Variants in INKA2 observed in about 807,000 individuals in gnomAD.
The protein encoded by INKA2 is inka box actin regulator 2, also known as PAK4-inhibitor INKA2.
Under a neutral mutation model 9.8 loss-of-function variants are expected in INKA2, and 3 were observed. That is an observed-to-expected ratio of 0.31 (90% confidence interval 0.14 to 0.79). INKA2 has a LOEUF of 0.79. Among genes scored for constraint, INKA2 ranks in the 30% least tolerant of loss-of-function variants. The pLI is 0.62. For missense variants in INKA2, 392 were observed against 384.4 expected, an observed-to-expected ratio of 1.02 and a Z score of -0.17; for synonymous variants, 147 against 143.3, an observed-to-expected ratio of 1.03 and a Z score of -0.18.
chr1:111,755,562 C>G, intron 1 of INKA2: 1 of 916,722 alleles, frequency 1.1e-6, no homozygotes, highest in Non-Finnish European at 1.6e-6. Context: ...ACGCACCGGG[C>G]GCATCACAAA....
chr1:111,745,291 ATATTTTTTTT>A (rs1195368436), intron 1 of INKA2: 2 of 49,352 alleles, frequency 4.1e-5, no homozygotes, highest in Non-Finnish European at 3.6e-5. Flanking sequence ...ATATATATAT[ATATTTTTTTT>A]TTTTTTTTTT....
intron 1 of INKA2, among the ~76,000 whole-genome samples, chr1:111,752,262 G>A (rs193194757): frequency 1.3e-5 from 2 of 152,304 alleles, no homozygotes; most frequent in East Asian, 1.9e-4. Flanking sequence ...GGGGAGGTAA[G>A]CTCCTATTTT....
At chr1:111,728,173 G>A (rs1232067996) in intron 1 of INKA2, among the ~76,000 whole-genome samples, 1 of 151,956 alleles carries the variant, frequency 6.6e-6, no homozygotes, top group South Asian at 2.1e-4. Flanking sequence ...GTGGGGCTGA[G>A]ATCAGCTTGA....
At chr1:111,728,070 C>CACACACACACAA (rs1184555425) in intron 1 of INKA2, among the ~76,000 whole-genome samples, 1 of 148,164 alleles carries the variant, frequency 6.7e-6, no homozygotes. Context: ...CACACACACA[C>CACACACACACAA]ACAGACATTT....
rs1368421845 is a variant in INKA2, at chr1:111,722,733, C to T, written c.*4235G>A. On this transcript the variant is annotated 3_prime_UTR_variant, in exon 2 of 2. Transcript: ENST00000357260. ...AAAAACATGTCACCTATTGTCTTCTCTGACCCTTGCTACAATCCTGTGAGA... is the reference window on the plus strand; with the variant it reads ...AAAAACATGTCACCTATTGTCTTCTTTGACCCTTGCTACAATCCTGTGAGA... 4.0e-6 allele frequency: 1 copy of T among 247,948 alleles called. No individual in the cohort carries two copies. The highest frequency in any genetic ancestry group is 7.9e-6 in the Non-Finnish European group (1 of 126,732). The allele number at this position is 247,948 out of a possible 1,614,324, so 15.4% of individuals were successfully genotyped here. A position where few individuals can be genotyped will look rare whatever the true frequency, so the allele number is the denominator to read the frequency against.
intron 1 of INKA2, among the ~76,000 whole-genome samples, chr1:111,729,869 G>T (rs1210425214): frequency 3.3e-5 from 5 of 152,246 alleles, no homozygotes; most frequent in Non-Finnish European, 7.3e-5. Context: ...CTCTCAATGA[G>T]CCAGCAGAAG....
chr1:111,747,529 C>T (rs1478665047), intron 1 of INKA2: 1 of 152,392 alleles, frequency 6.6e-6, no homozygotes, highest in Non-Finnish European at 1.5e-5. Flanking sequence ...CAATTCTGCT[C>T]CTCTCTCTGC....
intron 1 of INKA2, among the ~76,000 whole-genome samples, chr1:111,747,958 C>T (rs1025108962): frequency 5.3e-5 from 8 of 152,164 alleles, no homozygotes; most frequent in Non-Finnish European, 1.0e-4. Context: ...CAGTGTTATC[C>T]TTCTACTATT....
intron 1 of INKA2, among the ~76,000 whole-genome samples, chr1:111,738,344 G>A: frequency 6.6e-6 from 1 of 152,038 alleles, no homozygotes; most frequent in East Asian, 1.9e-4. Context: ...AATCAACCTG[G>A]CTCTCCCTAA....
At chr1:111,749,424 GT>G (rs1557917097) in intron 1 of INKA2, among the ~76,000 whole-genome samples, 76 of 79,324 alleles carry the variant, frequency 9.6e-4, no homozygotes, top group African/African-American at 3.9e-3. Context: ...GTGTTGGGGT[GT>G]GTGTGTGTGT....
rs772217983 is a variant in INKA2, at chr1:111,727,300, G to A, written c.562C>T (p.Arg188Cys). The A allele has an allele frequency of 1.2e-5, 19 of 1,613,988 alleles. No homozygotes were observed. The highest frequency in any genetic ancestry group is 2.2e-5 in the South Asian group (2 of 91,072). ...GGEKGETGGA[R>C]EPKGEKGQPQ... ...TGGCCTTTCTCTCCTTTGGGTTCAC[G>A]TGCCCCCCCAGTCTCACCCTTCTCC... Residue 188 changes from arginine (R) to cysteine (C), a missense_variant, in exon 2 of 2, where the codon CGT (arginine) becomes TGT (cysteine). Physicochemically the swap from Arg to Cys is radical, Grantham distance 180. Transcript: ENST00000357260.
upstream of INKA2, among the ~76,000 whole-genome samples, chr1:111,739,594 G>A (rs887420734): frequency 2.6e-5 from 4 of 152,242 alleles, no homozygotes; most frequent in African/African-American, 9.6e-5. Flanking sequence ...GGACACACCT[G>A]GTCCCGGCCA....
Position 111,737,805 on chromosome 1 carries a change from A to C in INKA2, c.57+1381T>G, listed in dbSNP as rs114705828. Among the ~76,000 whole-genome samples the C allele has an allele frequency of 1.7e-3, 261 of 152,316 alleles. 1 individual carries two copies. Among genetic ancestry groups the C allele is most frequent in the Middle Eastern group, 6.8e-3 (2 of 294 alleles). ...TCCAGGAGGGAGGACTAGAGAGAGA[A>C]ATGATCGTTGATGTGAGCAGGCTGA... On this transcript the variant is annotated intron_variant, in intron 1 of 1. Transcript: ENST00000357260.
At chr1:111,754,883 A>T (rs373110138) in intron 1 of INKA2, 1 of 152,386 alleles carries the variant, frequency 6.6e-6, no homozygotes, top group African/African-American at 2.4e-5. Flanking sequence ...TCAGGTAGGT[A>T]TAAGTATCAT....
chr1:111,724,902 G>C lies in INKA2; in HGVS notation c.*2066C>G, dbSNP rs1662733777. The C allele has an allele frequency of 6.6e-6, 1 of 152,190 alleles. No homozygotes were observed. Among genetic ancestry groups the C allele is most frequent in the African/African-American group, 2.4e-5 (1 of 41,418 alleles). 9.4% of individuals were successfully genotyped at this position (152,190 alleles called of 1,614,324 possible). A position where few individuals can be genotyped will look rare whatever the true frequency, so the allele number is the denominator to read the frequency against. On this transcript the variant is annotated 3_prime_UTR_variant, in exon 2 of 2. Transcript: ENST00000357260. ...ACGCCCCCTAATAACCTCCATAGATGTGTCTGGAGAACAATGCCTTCTAGG... is the reference window on the plus strand; with the variant it reads ...ACGCCCCCTAATAACCTCCATAGATCTGTCTGGAGAACAATGCCTTCTAGG...
At chr1:111,748,682 C>T (rs1414430901) in intron 1 of INKA2, among the ~76,000 whole-genome samples, 1 of 152,180 alleles carries the variant, frequency 6.6e-6, no homozygotes, top group Non-Finnish European at 1.5e-5. Flanking sequence ...TGACCTGATG[C>T]GATGATCTTG....
At chr1:111,728,277 C>T (rs11102328) in intron 1 of INKA2, among the ~76,000 whole-genome samples, 48,397 of 151,872 alleles carry the variant, frequency 0.32, 7,607 homozygotes, top group South Asian at 0.36. Context: ...GTGATGATGG[C>T]GGAAAAAACA....
chr1:111,750,187 G>A (rs1663374865), intron 1 of INKA2, among the ~76,000 whole-genome samples: 1 of 152,226 alleles, frequency 6.6e-6, no homozygotes, highest in Non-Finnish European at 1.5e-5. Context: ...AAGCCTGAGG[G>A]AGGATCACCT....
chr1:111,754,670 G>C (rs1663486933), intron 1 of INKA2: 1 of 152,164 alleles, frequency 6.6e-6, no homozygotes. Context: ...ACTAAATTTG[G>C]AATTATGAAT....
Sources: gnomAD v4.1 joint callset for allele counts (sites outside exome capture counted in the v4.1 genomes callset) on GRCh38, gnomAD v4.1.1 for gene constraint, MANE v1.5 for transcripts, NCBI Gene and HGNC (gene_info 2026-07-23, HGNC 2026-07-21) for gene names.